Variants in CYP4F11 observed in about 807,000 individuals in gnomAD.
CYP4F11 encodes cytochrome P450 4F11.
A neutral mutation model predicts 62.2 loss-of-function variants in CYP4F11; 79 were observed. The ratio of observed to expected loss-of-function variants is 1.27; its 90% confidence interval spans 1.06 to 1.53. The LOEUF is 1.53. CYP4F11 is among the 40% of genes most tolerant of loss of function. CYP4F11 has a pLI of 0.00. For missense variants in CYP4F11, 777 were observed against 680.5 expected, an observed-to-expected ratio of 1.14 and a Z score of -1.58; for synonymous variants, 290 against 263.7, an observed-to-expected ratio of 1.10 and a Z score of -0.97.
chr19:15,921,964 C>T, intron 8 of CYP4F11, 73 bp downstream of exon 8: 1 of 1,466,220 alleles, frequency 6.8e-7, no homozygotes, highest in Non-Finnish European at 9.0e-7. Flanking sequence ...ACCAAAAAAA[C>T]TCCCTCCCTC....
Position 15,913,796 on chromosome 19 carries a change from A to G in CYP4F11, c.1511T>C (p.Leu504Pro), listed in dbSNP as rs534259676. The G allele has an allele frequency of 4.6e-5, 75 of 1,614,188 alleles. No homozygotes were observed. In the South Asian group the frequency reaches 7.9e-4, roughly 17 times the overall value. The change falls in exon 12 of 12, where the codon CTG (leucine) becomes CCG (proline). Residue 504 changes from leucine to proline, a missense_variant. By Grantham distance (98) the Leu-to-Pro change is moderately conservative. Coordinates refer to ENST00000402119, the MANE Select transcript of CYP4F11 (RefSeq NM_021187.4). Reference sequence around the variant, plus strand: ...AAGTCCACCCTCTGCGCGCAATATCAGCTCGGGTTTCCTGCGGGGTTCAGT... The same window carrying G: ...AAGTCCACCCTCTGCGCGCAATATCGGCTCGGGTTTCCTGCGGGGTTCAGT... Reference protein sequence around the residue: ...THTEPRRKPELILRAEGGLWL... With the variant: ...THTEPRRKPEPILRAEGGLWL...
chr19:15,926,914 G>A (rs2089672971), intron 4 of CYP4F11, among the ~76,000 whole-genome samples: 1 of 152,048 alleles, frequency 6.6e-6, no homozygotes, highest in African/African-American at 2.4e-5. Flanking sequence ...GAGTTTTCAG[G>A]CGGTTTGTAC....
In CYP4F11 at chr19:15,913,760, A is replaced by G; in HGVS notation, c.1547T>C (p.Val516Ala). Residue 516 changes from valine to alanine, a missense_variant, in exon 12 of 12, where the codon GTG (valine) becomes GCG (alanine). Val to Ala is a moderately conservative substitution (Grantham distance 64). Transcript: ENST00000402119. ...LRAEGGLWLRVEPLGANSQ is the reference protein window; with the variant it reads ...LRAEGGLWLRAEPLGANSQ ...CTGTGAGTTCGCACCCAGGGGCTCC[A>G]CCCGCAGCCAAAGTCCACCCTCTGC... 1.2e-6 allele frequency: 2 copies of G among 1,614,074 alleles called. No individual in the cohort carries two copies. The highest frequency in any genetic ancestry group is 1.7e-6 in the Non-Finnish European group (2 of 1,180,000).
intron 1 of CYP4F11, among the ~76,000 whole-genome samples, chr19:15,931,729 G>A (rs866145655): frequency 3.6e-4 from 22 of 61,048 alleles, no homozygotes; most frequent in African/African-American, 8.1e-4. Flanking sequence ...AGCGAGGAGA[G>A]GAATGAGTGA....
chr19:15,929,656 G>A, intron 1 of CYP4F11, 55 bp from the exon 2 acceptor site: 2 of 1,525,046 alleles, frequency 1.3e-6, no homozygotes, highest in Non-Finnish European at 1.8e-6. Context: ...TAGGCATCCT[G>A]AATTAATCAT....
chr19:15,927,507 TG>T, intron 2 of CYP4F11, 24 bp from the exon 3 acceptor site: 1 of 1,612,740 alleles, frequency 6.2e-7, no homozygotes, highest in Non-Finnish European at 8.5e-7. Flanking sequence ...GGACCATCAG[TG>T]GCCATGGAGA....
At position 15,931,089 on chromosome 19, in the gene CYP4F11, G is replaced by GAGGAATGAGTGAGTGA. The variant is rs369233129; in HGVS notation, c.199-1489_199-1488insTCACTCACTCATTCCT. Among the ~76,000 whole-genome samples the GAGGAATGAGTGAGTGA allele has an allele frequency of 9.9e-4, 151 of 152,186 alleles. 5 individuals are homozygous for GAGGAATGAGTGAGTGA. The highest frequency in any genetic ancestry group is 3.4e-3 in the African/African-American group (140 of 41,432). On this transcript the variant is annotated intron_variant, in intron 1 of 11. Coordinates refer to ENST00000402119, the MANE Select transcript of CYP4F11 (RefSeq NM_021187.4). ...TCAAGGACAGCTTCTGAAAAGAGAA[G>GAGGAATGAGTGAGTGA]GGAGTGGCCAACTTTTATTCAGGCA...
At chr19:15,928,174 T>C (rs141220700) in intron 2 of CYP4F11, 1 of 152,242 alleles carries the variant, frequency 6.6e-6, no homozygotes, top group African/African-American at 2.4e-5. Context: ...GGCCAAGACA[T>C]TTGAAGTAGA....
In CYP4F11 at chr19:15,921,054, GTCTCTCTCTCTCTC is replaced by G. The variant is rs60842401; in HGVS notation, c.1115+969_1115+982del. On this transcript the variant is annotated intron_variant, in intron 8 of 11. Transcript: ENST00000402119. ...TTGGTCTCTCTCTCTCTCTCTTTCTGTCTCTCTCTCTCTCTCTCTCTCTCTCTCTCTCTCTCTCT... is the reference window on the plus strand; with the variant it reads ...TTGGTCTCTCTCTCTCTCTCTTTCTGTCTCTCTCTCTCTCTCTCTCTCTCT... 3.2e-3 allele frequency among the ~76,000 whole-genome samples: 395 copies of G among 122,466 alleles called. 2 individuals carry two copies. Among genetic ancestry groups the G allele is most frequent in the African/African-American group, 7.3e-3 (230 of 31,528 alleles). 80.3% of individuals were successfully genotyped at this position (122,466 alleles called of 152,430 possible). A position where few individuals can be genotyped will look rare whatever the true frequency, so the allele number is the denominator to read the frequency against.
chr19:15,934,494 G>A lies in CYP4F11; in HGVS notation c.-86C>T, dbSNP rs1275671675. ...TCCAAGGACAGTGGAAAGGGGCAAG[G>A]ATGGGCAGTGCTGGAGGCAGATCAG... is the stretch of plus-strand genomic sequence containing the variant. On this transcript the variant is annotated 5_prime_UTR_variant, in exon 1 of 12. Coordinates refer to ENST00000402119, the MANE Select transcript of CYP4F11 (RefSeq NM_021187.4). The A allele has an allele frequency of 5.4e-6, 8 of 1,483,816 alleles. No homozygotes were observed. The African/African-American group carries it at 9.9e-5, about 18-fold the overall frequency. The allele number at this position is 1,483,816 out of a possible 1,614,324, so 91.9% of individuals were successfully genotyped here.
At chr19:15,926,022 G>A (rs1243732722) in intron 4 of CYP4F11, among the ~76,000 whole-genome samples, 1 of 151,818 alleles carries the variant, frequency 6.6e-6, no homozygotes, top group Non-Finnish European at 1.5e-5. Context: ...AAATTAGACG[G>A]GCATGGTGAT....
At chr19:15,929,787 A>G (rs2089697477) in intron 1 of CYP4F11, among the ~76,000 whole-genome samples, 186 bp from the exon 2 acceptor site, 2 of 152,210 alleles carry the variant, frequency 1.3e-5, no homozygotes, top group Non-Finnish European at 2.9e-5. Flanking sequence ...TAAACTGAGG[A>G]AGGATGATCC....
rs145564844 is a variant in CYP4F11, at chr19:15,927,282, G to A, written c.455C>T (p.Thr152Met). Residue 152 changes from threonine to methionine, a missense_variant, in exon 4 of 12, where the codon ACG becomes ATG. Physicochemically the swap from Thr to Met is moderately conservative, Grantham distance 81 (BLOSUM62 -1). Coordinates refer to ENST00000402119, the MANE Select transcript of CYP4F11 (RefSeq NM_021187.4). The stretch of plus-strand genomic sequence containing the variant: ...CAAGATGTTGAAATGGAAGGCAGGC[G>A]TCAACATCCGACGGTGGCGGCTCCA... The part of the protein sequence containing the change: ...DKWSRHRRML[T>M]PAFHFNILKP... 105 of 1,614,104 alleles carry A rather than the reference G, an allele frequency of 6.5e-5. No homozygotes were observed. The African/African-American group carries it at 6.7e-4, about 10-fold the overall frequency.
intron 8 of CYP4F11, among the ~76,000 whole-genome samples, chr19:15,917,982 C>T (rs2089595528): frequency 6.6e-6 from 1 of 152,130 alleles, no homozygotes; most frequent in East Asian, 1.9e-4. Context: ...AAGATATATG[C>T]ATGCATATGT....
chr19:15,918,058 C>A (rs2089596092), intron 8 of CYP4F11, among the ~76,000 whole-genome samples: 1 of 152,010 alleles, frequency 6.6e-6, no homozygotes, highest in Non-Finnish European at 1.5e-5. Context: ...AGTGATAATC[C>A]AGACAAAGAA....
rs1049542482 is a variant in CYP4F11, at chr19:15,929,701, T to C, written c.199-100A>G. 1.9e-5 allele frequency: 25 copies of C among 1,318,788 alleles called. No individual in the cohort carries two copies. In the African/African-American group the frequency reaches 2.7e-4, roughly 14 times the overall value. 81.7% of individuals were successfully genotyped at this position (1,318,788 alleles called of 1,614,324 possible). A position where few individuals can be genotyped will look rare whatever the true frequency, so the allele number is the denominator to read the frequency against. ...GTGACCGAGCCAAGAGATGCCCAGA[T>C]AAAACATGCTGGTAAAACATTATTT... On this transcript the variant is annotated intron_variant, in intron 1 of 11. Coordinates refer to ENST00000402119, the MANE Select transcript of CYP4F11 (RefSeq NM_021187.4).
intron 1 of CYP4F11, among the ~76,000 whole-genome samples, chr19:15,934,005 C>A (rs62104259): frequency 7.9e-5 from 3 of 37,932 alleles, no homozygotes; most frequent in Non-Finnish European, 1.1e-4. Flanking sequence ...AGTGAGTGGG[C>A]AGAGGAATGA....
intron 4 of CYP4F11, among the ~76,000 whole-genome samples, chr19:15,926,207 C>T (rs2089667775): frequency 6.6e-6 from 1 of 151,672 alleles, no homozygotes; most frequent in African/African-American, 2.4e-5. Flanking sequence ...GTGCTCCTTT[C>T]CTTCCATGCA....
At chr19:15,924,675 T>C (rs1228355320) in intron 5 of CYP4F11, 86 bp downstream of exon 5, 1 of 1,538,852 alleles carries the variant, frequency 6.5e-7, no homozygotes, top group Admixed American at 1.8e-5. Context: ...AGAAAGGCAC[T>C]TCTGGTTACC....
Sources: gnomAD v4.1 joint callset for allele counts (sites outside exome capture counted in the v4.1 genomes callset) on GRCh38, gnomAD v4.1.1 for gene constraint, MANE v1.5 for transcripts, NCBI Gene and HGNC (gene_info 2026-07-23, HGNC 2026-07-21) for gene names.